USF3: variants seen among roughly 807,000 people sequenced by gnomAD.
USF3 encodes upstream transcription factor family member 3.
In USF3, 29 loss-of-function variants were observed where a neutral mutation model predicts 157.5. The ratio of observed to expected loss-of-function variants is 0.18; its 90% confidence interval spans 0.14 to 0.25. USF3 has a LOEUF of 0.25. Ranked by LOEUF, USF3 falls within the 10% of genes least tolerant of loss-of-function variation. The pLI, the probability that USF3 is intolerant of heterozygous loss-of-function variation, is 1.00. For synonymous variants in USF3, 893 were observed against 941.4 expected, an observed-to-expected ratio of 0.95 and a Z score of 0.94; for missense variants, 2,381 against 2,667.6, an observed-to-expected ratio of 0.89 and a Z score of 2.37.
At chr3:113,677,818 CA>C (rs1222081101) in intron 1 of USF3, among the ~76,000 whole-genome samples, 3 of 152,182 alleles carry the variant, frequency 2.0e-5, no homozygotes, top group Non-Finnish European at 4.4e-5. Flanking sequence ...TGAAAACTTA[CA>C]TAAGGACCTT....
intron 1 of USF3, among the ~76,000 whole-genome samples, chr3:113,682,078 CTT>C (rs775934408): frequency 6.6e-5 from 10 of 152,176 alleles, no homozygotes; most frequent in Non-Finnish European, 1.5e-4. Context: ...AATCCCATCA[CTT>C]TGGGAGGCAG....
chr3:113,670,009 AG>A (rs1394643483), intron 5 of USF3, 111 bp downstream of exon 5: 2 of 680,198 alleles, frequency 2.9e-6, no homozygotes, highest in African/African-American at 1.8e-5. Flanking sequence ...TAACTTCAAA[AG>A]AACCATACAT....
intron 1 of USF3, among the ~76,000 whole-genome samples, chr3:113,687,759 G>A (rs561648853): frequency 6.6e-6 from 1 of 152,216 alleles, no homozygotes; most frequent in South Asian, 2.1e-4. Flanking sequence ...ACTCCTCATA[G>A]TTCTTTTAAG....
At chr3:113,667,266 C>T (rs1947584997) in intron 5 of USF3, among the ~76,000 whole-genome samples, 1 of 152,162 alleles carries the variant, frequency 6.6e-6, no homozygotes, top group African/African-American at 2.4e-5. Flanking sequence ...GCCACCTGTC[C>T]CTCTACTGCA....
At chr3:113,680,668 C>T (rs1487742210) in intron 1 of USF3, among the ~76,000 whole-genome samples, 1 of 151,842 alleles carries the variant, frequency 6.6e-6, no homozygotes, top group African/African-American at 2.4e-5. Flanking sequence ...AAAAATTCAC[C>T]GGGTGTGGTG....
intron 1 of USF3, among the ~76,000 whole-genome samples, chr3:113,695,406 T>A (rs1293454148): frequency 2.0e-5 from 3 of 152,252 alleles, no homozygotes; most frequent in Non-Finnish European, 4.4e-5. Flanking sequence ...TGTTTGGTTT[T>A]CTTTACAAAA....
At chr3:113,679,144 C>A (rs546514930) in intron 1 of USF3, among the ~76,000 whole-genome samples, 134 of 151,928 alleles carry the variant, frequency 8.8e-4, no homozygotes, top group Middle Eastern at 3.4e-3. Flanking sequence ...TTTTTGAATG[C>A]CAAAGGATTA....
At chr3:113,693,680 A>G (rs1408473106) in intron 1 of USF3, among the ~76,000 whole-genome samples, 4 of 152,266 alleles carry the variant, frequency 2.6e-5, no homozygotes, top group Non-Finnish European at 4.4e-5. Flanking sequence ...ACATACACAT[A>G]GAACTTAAAC....
At chr3:113,670,059 A>G (rs2107937675) in intron 5 of USF3, 62 bp downstream of exon 5, 1 of 1,133,596 alleles carries the variant, frequency 8.8e-7, no homozygotes, top group East Asian at 2.3e-5. Flanking sequence ...TCTAAGCACC[A>G]AAACAACTTA....
intron 4 of USF3, among the ~76,000 whole-genome samples, chr3:113,672,735 G>A (rs905005697): frequency 6.6e-6 from 1 of 152,102 alleles, no homozygotes; most frequent in Non-Finnish European, 1.5e-5. Flanking sequence ...CTTTTCCATA[G>A]ATAAAATTTT....
chr3:113,667,740 A>G (rs1204694934), intron 5 of USF3, among the ~76,000 whole-genome samples: 1 of 151,960 alleles, frequency 6.6e-6, no homozygotes, highest in African/African-American at 2.4e-5. Context: ...GGTGGCATGC[A>G]CCTGTAATCC....
Position 113,657,474 on chromosome 3 carries a change from G to C in USF3, c.4208C>G (p.Pro1403Arg), listed in dbSNP as rs1017658232. The part of the protein sequence containing the change: ...AHGDGLTRLF[P>R]PSNNFVTPAL... ...AGGAGTCACAAAGTTGTTACTAGGT[G>C]GAAATAATCGTGTAAGGCCATCTCC... The change falls in exon 7 of 7, where the codon CCA becomes CGA. Residue 1403 changes from proline (P) to arginine (R), a missense_variant. Physicochemically the swap from Pro to Arg is moderately radical, Grantham distance 103. This residue lies in a region of USF3 where 1,435 missense variants were observed against 1,550.9 expected (regional missense o/e 0.93). Transcript: ENST00000316407. 1.2e-6 allele frequency: 2 copies of C among 1,614,014 alleles called. No homozygotes were observed. The highest frequency in any genetic ancestry group is 2.7e-5 in the African/African-American group (2 of 74,904).
chr3:113,673,696 C>T (rs959748283), intron 3 of USF3, among the ~76,000 whole-genome samples: 1 of 152,182 alleles, frequency 6.6e-6, no homozygotes, highest in African/African-American at 2.4e-5. Context: ...AACTTAGGTG[C>T]TGGTAAATTC....
rs149315682 is a variant in USF3, at chr3:113,659,625, G to T, written c.2057C>A (p.Thr686Asn). The change falls in exon 7 of 7, where the codon ACC becomes AAC. Residue 686 changes from threonine to asparagine, a missense_variant. Thr to Asn is a moderately conservative substitution (Grantham distance 65). Around this residue, in one of 6 missense-constraint regions of USF3, gnomAD observed 1,435 missense variants for 1,550.9 expected, o/e 0.93. Transcript: ENST00000316407. ...VMSSSGTTNQ[T>N]PMQIIQPTTS... The stretch of plus-strand genomic sequence containing the variant: ...GGTGGGTTGAATAATTTGCATAGGG[G>T]TTTGATTTGTAGTTCCTGATGAAGA... The T allele has an allele frequency of 2.5e-6, 4 of 1,614,214 alleles. No homozygotes were observed. Among genetic ancestry groups the T allele is most frequent in the Admixed American group, 3.3e-5 (2 of 60,028 alleles).
rs1241513747 is a variant in USF3, at chr3:113,656,694, T to C, written c.4988A>G (p.Asn1663Ser). 3.1e-6 allele frequency: 5 copies of C among 1,614,042 alleles called. No homozygotes were observed. The highest frequency in any genetic ancestry group is 1.7e-5 in the Admixed American group (1 of 60,016). The change falls in exon 7 of 7, where the codon AAT (asparagine) becomes AGT (serine). Residue 1663 changes from asparagine to serine, a missense_variant. This residue lies in a region of USF3 where 770 missense variants were observed against 824.2 expected (regional missense o/e 0.93). Transcript: ENST00000316407. ...CTCAGCAGAATAACTTGAAACTCTA[T>C]TTCTCTCTGGCCTGTGTGGAGTACA... ...MTCTPHRPER[N>S]RVSSYSAEAL...
At chr3:113,690,250 C>T (rs1021359028) in intron 1 of USF3, among the ~76,000 whole-genome samples, 1 of 152,120 alleles carries the variant, frequency 6.6e-6, no homozygotes, top group Non-Finnish European at 1.5e-5. Context: ...TCATCTCTTC[C>T]CCTTTGTTAT....
intron 1 of USF3, among the ~76,000 whole-genome samples, chr3:113,686,261 G>A (rs1165298983): frequency 6.6e-6 from 1 of 152,150 alleles, no homozygotes; most frequent in Non-Finnish European, 1.5e-5. Flanking sequence ...TTTCCACTGT[G>A]ACAGAGCAAC....
chr3:113,658,446 A>T lies in USF3; in HGVS notation c.3236T>A (p.Ile1079Asn). The T allele has an allele frequency of 6.2e-7, 1 of 1,614,102 alleles. No homozygotes were observed. Among genetic ancestry groups the T allele is most frequent in the Non-Finnish European group, 8.5e-7 (1 of 1,180,032 alleles). Residue 1079 changes from isoleucine to asparagine, a missense_variant, in exon 7 of 7, where the codon ATC becomes AAC. Ile to Asn is a moderately radical substitution (Grantham distance 149). Around this residue, in one of 6 missense-constraint regions of USF3, gnomAD observed 1,435 missense variants for 1,550.9 expected, o/e 0.93. Coordinates refer to ENST00000316407, the MANE Select transcript of USF3 (RefSeq NM_001009899.4). Reference protein sequence around the residue: ...PDQEVINGSLINGRQADSPMS... With the variant: ...PDQEVINGSLNNGRQADSPMS... ...GGGAGAGTCGGCCTGTCTACCGTTG[A>T]TCAAAGAACCATTAATAACCTCTTG...
Position 113,654,631 on chromosome 3 carries a change from T to C in USF3, c.*313A>G, listed in dbSNP as rs1329162135. The C allele has an allele frequency of 3.1e-5, 9 of 292,900 alleles. No individual in the cohort carries two copies. Among genetic ancestry groups the C allele is most frequent in the Non-Finnish European group, 5.7e-5 (9 of 158,718 alleles). 18.1% of individuals were successfully genotyped at this position (292,900 alleles called of 1,614,324 possible). ...CAAGTTTAAAGTCTAGGCTCCCTCC[T>C]ACTACCCAGTACATGACAAGATGAT... On this transcript the variant is annotated 3_prime_UTR_variant, in exon 7 of 7. Transcript: ENST00000316407.
Sources: allele counts gnomAD v4.1 joint callset (sites outside exome capture counted in the v4.1 genomes callset), GRCh38; gene constraint gnomAD v4.1.1; regional missense constraint gnomAD v4.1.1; transcripts MANE v1.5; gene names NCBI Gene and HGNC (gene_info 2026-07-23, HGNC 2026-07-21).